The following KCNH1 variants were observed in gnomAD, a reference collection of about 807,000 sequenced individuals.
The protein encoded by KCNH1 is voltage-gated delayed rectifier potassium channel KCNH1.
Under a neutral mutation model 69.2 loss-of-function variants are expected in KCNH1, and 27 were observed. The ratio of observed to expected loss-of-function variants is 0.39; its 90% CI spans 0.29 to 0.54. The LOEUF is 0.54. Among genes scored for constraint, KCNH1 ranks in the 20% least tolerant of loss-of-function variants. KCNH1 has a pLI of 0.68. For synonymous variants in KCNH1, 456 were observed against 487.7 expected (o/e 0.93, Z 0.86); for missense variants, 798 against 1,261.6 (o/e 0.63, Z 5.57).
At chr1:211,030,065 G>A (rs4951708) in intron 5 of KCNH1, among the ~76,000 whole-genome samples, 117,584 of 152,144 alleles carry the variant, frequency 0.77, 46,137 homozygotes, top group African/African-American at 0.89. Context: ...AAAACATACT[G>A]AAGATATCCA....
intron 7 of KCNH1, among the ~76,000 whole-genome samples, chr1:210,885,046 T>C (rs1243873226): frequency 1.3e-5 from 2 of 152,214 alleles, no homozygotes; most frequent in Admixed American, 1.3e-4. Context: ...TTGCCTTCAG[T>C]AGGCACTACC....
chr1:211,103,081 G>A (rs74750874), intron 3 of KCNH1, among the ~76,000 whole-genome samples: 11,767 of 152,212 alleles, frequency 0.077, 689 homozygotes, highest in South Asian at 0.17. Flanking sequence ...ATTTAGAAAC[G>A]CTTAATTAGG....
At chr1:210,912,348 A>C (rs927777592) in intron 7 of KCNH1, among the ~76,000 whole-genome samples, 6 of 152,100 alleles carry the variant, frequency 3.9e-5, no homozygotes, top group African/African-American at 1.2e-4. Flanking sequence ...ACACAAAATG[A>C]CTTCCTACTT....
intron 6 of KCNH1, 115 bp from the exon 7 acceptor site, chr1:210,920,184 T>C: frequency 2.4e-6 from 2 of 848,344 alleles, no homozygotes; most frequent in South Asian, 3.9e-5. Flanking sequence ...AGATGCAATT[T>C]TATGCAACCC....
intron 7 of KCNH1, among the ~76,000 whole-genome samples, chr1:210,856,737 A>C (rs1411637686): frequency 6.9e-6 from 1 of 145,288 alleles, no homozygotes; most frequent in African/African-American, 2.5e-5. Context: ...AGAGGAGCAC[A>C]TTGGAATCAC....
intron 10 of KCNH1, among the ~76,000 whole-genome samples, chr1:210,761,275 A>T (rs1218679013): frequency 6.9e-6 from 1 of 144,696 alleles, no homozygotes; most frequent in African/African-American, 2.5e-5. Context: ...AAAAAAAAAA[A>T]GTACATGTAA....
At chr1:211,027,809 C>G (rs1322415779) in intron 5 of KCNH1, among the ~76,000 whole-genome samples, 1 of 151,200 alleles carries the variant, frequency 6.6e-6, no homozygotes, top group Non-Finnish European at 1.5e-5. Flanking sequence ...CAAACAAGAA[C>G]TGCAAAATAT....
chr1:211,088,192 T>G (rs1313577332), intron 4 of KCNH1, among the ~76,000 whole-genome samples: 1 of 152,134 alleles, frequency 6.6e-6, no homozygotes, highest in Non-Finnish European at 1.5e-5. Context: ...ATCTGGGAAT[T>G]TTCTGAGATT....
chr1:211,087,309 C>T (rs1282280373), intron 4 of KCNH1, among the ~76,000 whole-genome samples: 2 of 152,168 alleles, frequency 1.3e-5, no homozygotes, highest in East Asian at 1.9e-4. Flanking sequence ...AATGAATTTG[C>T]TCCTTTAATA....
In KCNH1 at chr1:210,839,377, C is replaced by T. The variant is rs145829772; in HGVS notation, c.1463-35211G>A. 9.2e-4 allele frequency among the ~76,000 whole-genome samples: 140 copies of T among 151,816 alleles called. No individual in the cohort carries two copies. The Middle Eastern group carries it at 0.024, about 26-fold the overall frequency. ...GAAATGATGAGAACACATGGACACA[C>T]GCTGGGGAACAACAAACGCTGGGGA... On this transcript the variant is annotated intron_variant, in intron 7 of 10. Coordinates refer to ENST00000271751, the MANE Select transcript of KCNH1 (RefSeq NM_172362.3).
intron 5 of KCNH1, among the ~76,000 whole-genome samples, chr1:211,027,576 A>G (rs1275920616): frequency 6.6e-6 from 1 of 152,102 alleles, no homozygotes; most frequent in South Asian, 2.1e-4. Context: ...TGTAGGCAAC[A>G]AAGTGGGCAA....
At chr1:210,927,250 G>A (rs1405689327) in intron 6 of KCNH1, among the ~76,000 whole-genome samples, 5 of 152,028 alleles carry the variant, frequency 3.3e-5, no homozygotes, top group African/African-American at 4.8e-5. Flanking sequence ...AAAGGTCATC[G>A]TCTAGGCACA....
chr1:210,916,863 A>G (rs1687342649), intron 7 of KCNH1, among the ~76,000 whole-genome samples: 1 of 152,054 alleles, frequency 6.6e-6, no homozygotes, highest in Non-Finnish European at 1.5e-5. Context: ...AAAAAAAGAA[A>G]TGGGCTGGGC....
In KCNH1 at chr1:210,806,358, T is replaced by A. The variant is rs116591054; in HGVS notation, c.1463-2192A>T. Among the ~76,000 whole-genome samples the A allele has an allele frequency of 2.5e-3, 387 of 152,116 alleles. 1 individual carries two copies. The highest frequency in any genetic ancestry group is 8.9e-3 in the African/African-American group (368 of 41,506). On this transcript the variant is annotated intron_variant, in intron 7 of 10. Coordinates refer to ENST00000271751, the MANE Select transcript of KCNH1 (RefSeq NM_172362.3). ...CATGTGCTTATTGGTCATTTATATA[T>A]CTTCTTTGGAGAAATCAAATCTTTG...
intron 6 of KCNH1, among the ~76,000 whole-genome samples, chr1:210,946,002 T>C (rs532620388): frequency 2.4e-4 from 37 of 152,324 alleles, no homozygotes; most frequent in African/African-American, 8.9e-4. Context: ...GGAACTACTG[T>C]GTCCTCAGCA....
chr1:211,006,315 T>C (rs1327893464), intron 6 of KCNH1, among the ~76,000 whole-genome samples: 2 of 152,120 alleles, frequency 1.3e-5, no homozygotes, highest in Non-Finnish European at 2.9e-5. Flanking sequence ...ACATCAACAG[T>C]AGATTGGATT....
rs2102400594 is a variant in KCNH1 at position 210,797,690 on chromosome 1, T to A, written c.1733A>T (p.Glu578Val). 6.2e-7 allele frequency: 1 copy of A among 1,614,210 alleles called. No individual in the cohort carries two copies. The highest frequency in any genetic ancestry group is 8.5e-7 in the Non-Finnish European group (1 of 1,180,032). ...ACTGGCCAGCCGGAAGGCCGGGTGC[T>A]CCTTGAACACCTTGCGGTTCAGGTG... ...CVHLNRKVFK[E>V]HPAFRLASDG... Residue 578 changes from glutamate to valine, a missense_variant, in exon 9 of 11, where the codon GAG becomes GTG. By Grantham distance (121) the Glu-to-Val change is moderately radical. Around this residue, in one of 4 missense-constraint regions of KCNH1, gnomAD observed 197 missense variants for 407.7 expected, o/e 0.48. Coordinates refer to ENST00000271751, the MANE Select transcript of KCNH1 (RefSeq NM_172362.3).
At chr1:211,058,607 CA>C (rs1014544757) in intron 5 of KCNH1, among the ~76,000 whole-genome samples, 5 of 150,944 alleles carry the variant, frequency 3.3e-5, no homozygotes, top group Non-Finnish European at 5.9e-5. Flanking sequence ...AATACATCCA[CA>C]AAAAAAAGCA....
rs556760667 is a variant in KCNH1, at chr1:210,855,705, C to T, written c.1463-51539G>A. ...ACCTGCCCTCCCCACTCACCTGCTG[C>T]CTTTCTATAGCAGAGTGTCACGACT... On this transcript the variant is annotated intron_variant, in intron 7 of 10. Transcript: ENST00000271751. Among the ~76,000 whole-genome samples, 13 of 152,268 alleles carry T rather than the reference C, an allele frequency of 8.5e-5. No individual in the cohort carries two copies. In the South Asian group the frequency reaches 2.7e-3, roughly 32 times the overall value.
Sources: allele counts gnomAD v4.1 joint callset (sites outside exome capture counted in the v4.1 genomes callset), GRCh38; gene constraint gnomAD v4.1.1; regional missense constraint gnomAD v4.1.1; transcripts MANE v1.5; gene names NCBI Gene and HGNC (gene_info 2026-07-23, HGNC 2026-07-21).